HSPA12A: variants seen among roughly 807,000 people sequenced by gnomAD.
HSPA12A encodes heat shock 70 kDa protein 12A.
HSPA12A carries 28 observed loss-of-function variants against 69.2 expected under a neutral mutation model. The observed-to-expected ratio is 0.40, with a 90% CI of 0.30 to 0.55. HSPA12A has a LOEUF of 0.55. Ranked by LOEUF, HSPA12A falls within the 20% of genes least tolerant of loss-of-function variation. The probability of loss-of-function intolerance (pLI) is 0.38; values close to 1 mark genes in which losing one functional copy is unlikely to be tolerated. For missense variants in HSPA12A, 686 were observed against 900.7 expected (o/e 0.76, Z 3.05); for synonymous variants, 345 against 370.5 (o/e 0.93, Z 0.79).
At chr10:116,711,607 G>T (rs1356944998) in intron 1 of HSPA12A, among the ~76,000 whole-genome samples, 1 of 151,750 alleles carries the variant, frequency 6.6e-6, no homozygotes, top group African/African-American at 2.4e-5. Context: ...CCATAATACA[G>T]AGAGAGTCAA....
At position 116,686,426 on chromosome 10, in the gene HSPA12A, T is replaced by C. The variant is rs1273301858; in HGVS notation, c.664-2464A>G. 2.6e-5 allele frequency among the ~76,000 whole-genome samples: 4 copies of C among 152,282 alleles called. No individual in the cohort carries two copies. In the East Asian group the frequency reaches 5.8e-4, roughly 22 times the overall value. ...GGGTGAGGAAGAAGGGACAACTTGC[T>C]GCAAAGAAACTGCCAGGCCTGTATG... On this transcript the variant is annotated intron_variant, in intron 6 of 11. Coordinates refer to ENST00000369209, the MANE Select transcript of HSPA12A (RefSeq NM_025015.3). This position sits in a 1 kb window ranked among gnomAD's most constrained non-coding sequence, Gnocchi z 4.1.
At chr10:116,717,147 C>T (rs1471588171) in intron 1 of HSPA12A, among the ~76,000 whole-genome samples, 1 of 152,126 alleles carries the variant, frequency 6.6e-6, no homozygotes, top group Non-Finnish European at 1.5e-5. Context: ...TCATTATTCC[C>T]ATTCTGTAGG....
intron 2 of HSPA12A, among the ~76,000 whole-genome samples, chr10:116,756,700 A>G (rs1158428685): frequency 6.6e-6 from 1 of 152,232 alleles, no homozygotes; most frequent in Non-Finnish European, 1.5e-5. Context: ...AGATCTACAT[A>G]GTGGGAGTTC....
At chr10:116,777,239 G>A (rs1844358625) in intron 2 of HSPA12A, among the ~76,000 whole-genome samples, 1 of 152,252 alleles carries the variant, frequency 6.6e-6, no homozygotes, top group Non-Finnish European at 1.5e-5. Context: ...TCCCATTTAT[G>A]CCCCTTGGGA....
Position 116,803,922 on chromosome 10 carries a change from A to G in HSPA12A, c.91+31013T>C, listed in dbSNP as rs573670548. ...ACTCCCTTACCACCACCCCCTTTTG[A>G]AAATAACACAATTAAGCCATTATTA... is the stretch of plus-strand genomic sequence containing the variant. On this transcript the variant is annotated intron_variant, in intron 2 of 12. Transcript: ENST00000635765. Among the ~76,000 whole-genome samples, 20 of 152,236 alleles carry G rather than the reference A, an allele frequency of 1.3e-4. No individual in the cohort carries two copies. In the South Asian group the frequency reaches 4.1e-3, roughly 32 times the overall value.
chr10:116,830,357 C>T (rs182360603), intron 2 of HSPA12A: 17 of 152,294 alleles, frequency 1.1e-4, no homozygotes, highest in Admixed American at 4.6e-4. Context: ...ATTCTTTCTC[C>T]GCCTGCCTCT....
chr10:116,760,780 C>T (rs782301245), intron 2 of HSPA12A, among the ~76,000 whole-genome samples: 11 of 152,102 alleles, frequency 7.2e-5, no homozygotes, highest in African/African-American at 1.4e-4. Context: ...GTGCAAGGGA[C>T]GGATATTCCC....
chr10:116,753,607 T>C (rs1843756318), intron 2 of HSPA12A, among the ~76,000 whole-genome samples: 1 of 151,610 alleles, frequency 6.6e-6, no homozygotes, highest in Non-Finnish European at 1.5e-5. Flanking sequence ...TGATCTTAGT[T>C]ACTGTAAGCC....
chr10:116,827,946 T>C (rs1158328847), intron 2 of HSPA12A, among the ~76,000 whole-genome samples: 1 of 152,198 alleles, frequency 6.6e-6, no homozygotes, highest in Non-Finnish European at 1.5e-5. Flanking sequence ...GTTCCTTTGT[T>C]CTGCGACTGG....
chr10:116,824,734 A>G (rs1845469320), intron 2 of HSPA12A, among the ~76,000 whole-genome samples: 2 of 152,322 alleles, frequency 1.3e-5, no homozygotes, highest in East Asian at 3.9e-4. Flanking sequence ...TGCCGGTTCA[A>G]GCAATTCTCC....
At chr10:116,749,590 TG>T in intron 2 of HSPA12A, among the ~76,000 whole-genome samples, 1 of 152,346 alleles carries the variant, frequency 6.6e-6, no homozygotes. Flanking sequence ...ACCTGGCACA[TG>T]GCAGGGCCTC....
At chr10:116,759,525 T>C (rs986182561) in intron 2 of HSPA12A, among the ~76,000 whole-genome samples, 7 of 152,188 alleles carry the variant, frequency 4.6e-5, no homozygotes, top group African/African-American at 1.7e-4. Context: ...TTTAAGTGGA[T>C]CTGGGCTTAC....
intron 1 of HSPA12A, among the ~76,000 whole-genome samples, chr10:116,725,644 G>C (rs1207430418): frequency 6.6e-6 from 1 of 152,186 alleles, no homozygotes; most frequent in Non-Finnish European, 1.5e-5. Flanking sequence ...TTTGCTGGCA[G>C]AAGGAGTGGG....
intron 2 of HSPA12A, among the ~76,000 whole-genome samples, chr10:116,759,280 G>T (rs1219000955): frequency 6.6e-6 from 1 of 152,200 alleles, no homozygotes; most frequent in East Asian, 1.9e-4. Flanking sequence ...GCTCTGCCCA[G>T]TTTCACTGTT....
chr10:116,839,268 C>T (rs980558822), intron 1 of HSPA12A, among the ~76,000 whole-genome samples: 4 of 152,128 alleles, frequency 2.6e-5, no homozygotes, highest in Non-Finnish European at 4.4e-5. Flanking sequence ...ACATTTCAAC[C>T]GCAGTGTTTA....
chr10:116,750,412 G>C, intron 2 of HSPA12A: 1 of 677,588 alleles, frequency 1.5e-6, no homozygotes, highest in Non-Finnish European at 2.7e-6. Context: ...ATGGAGGCTT[G>C]TCTACCCCTC....
At chr10:116,722,759 A>C (rs1850819540) in intron 1 of HSPA12A, among the ~76,000 whole-genome samples, 1 of 152,204 alleles carries the variant, frequency 6.6e-6, no homozygotes. Flanking sequence ...TTCAATTTAA[A>C]TATTAAATTG....
intron 1 of HSPA12A, among the ~76,000 whole-genome samples, chr10:116,845,669 C>T (rs1845869035): frequency 6.6e-6 from 1 of 152,132 alleles, no homozygotes; most frequent in Non-Finnish European, 1.5e-5. Context: ...GTTAGCAATA[C>T]ACTCAACCCT....
At chr10:116,747,554 A>G (rs1851675986), upstream of HSPA12A, among the ~76,000 whole-genome samples, 2 of 152,238 alleles carry the variant, frequency 1.3e-5, no homozygotes, top group Admixed American at 6.5e-5. Context: ...AGTTTTCACA[A>G]GGGCTGCAAC....
Sources: allele counts gnomAD v4.1 joint callset (sites outside exome capture counted in the v4.1 genomes callset), GRCh38; gene constraint gnomAD v4.1.1; non-coding constraint Gnocchi (gnomAD v3.1); transcripts MANE v1.5; gene names NCBI Gene and HGNC (gene_info 2026-07-23, HGNC 2026-07-21).